BRD4: variants seen among roughly 807,000 people sequenced by gnomAD.
BRD4 encodes the protein bromodomain-containing protein 4.
A neutral mutation model predicts 142.1 loss-of-function variants in BRD4; 16 were observed. That is an observed-to-expected ratio of 0.11 (90% CI 0.08 to 0.17). The LOEUF is 0.17. BRD4 is among the 10% of genes least tolerant of loss of function. BRD4 has a pLI of 1.00. For missense variants in BRD4, 1,424 were observed against 1,810.9 expected (o/e 0.79, Z 3.88); for synonymous variants, 833 against 707.5 (o/e 1.18, Z -2.82).
chr19:15,241,261 G>A (rs2047235621), intron 14 of BRD4, among the ~76,000 whole-genome samples: 1 of 152,212 alleles, frequency 6.6e-6, no homozygotes, highest in Admixed American at 6.5e-5. Flanking sequence ...GGATCCACAG[G>A]CACATGACTG....
At chr19:15,269,163 CCACA>C in intron 2 of BRD4, 121 bp from the exon 3 acceptor site, 1 of 1,089,976 alleles carries the variant, frequency 9.2e-7, no homozygotes, top group Non-Finnish European at 1.3e-6. Flanking sequence ...TCCACGGGAG[CCACA>C]GCTCCTACTG....
Position 15,238,095 on chromosome 19 carries a change from T to G in BRD4, c.*282A>C. The G allele has an allele frequency of 2.1e-6, 1 of 473,958 alleles. No homozygotes were observed. Among genetic ancestry groups the G allele is most frequent in the Non-Finnish European group, 3.8e-6 (1 of 261,872 alleles). The allele number at this position is 473,958 out of a possible 1,614,324, so 29.4% of individuals were successfully genotyped here. A position where few individuals can be genotyped will look rare whatever the true frequency, so the allele number is the denominator to read the frequency against. On this transcript the variant is annotated 3_prime_UTR_variant, in exon 20 of 20. Coordinates refer to ENST00000679869, the MANE Select transcript of BRD4 (RefSeq NM_001379291.1). The surrounding 1 kb of genome is among the most constrained non-coding windows in gnomAD (Gnocchi z 7.2). ...AGGGCCTCTGCCCCGCATGTGGGGA[T>G]GCAGGGCTTGGGTCCAGCCGGCACT... is the stretch of plus-strand genomic sequence containing the variant.
At chr19:15,242,404 A>G (rs780218465) in intron 14 of BRD4, among the ~76,000 whole-genome samples, 138 of 152,290 alleles carry the variant, frequency 9.1e-4, no homozygotes, top group Admixed American at 1.4e-3. Flanking sequence ...ACTGGGCTGG[A>G]GGCTGGTAAC....
intron 7 of BRD4, among the ~76,000 whole-genome samples, chr19:15,262,353 G>T (rs1219994594): frequency 6.6e-6 from 1 of 152,068 alleles, no homozygotes; most frequent in Non-Finnish European, 1.5e-5. Flanking sequence ...GCAACCCATG[G>T]CCTTGGGGAG....
In BRD4 at chr19:15,300,738, CTA is replaced by C. The variant is rs1481914720; in HGVS notation, c.-34-27607_-34-27606del. ...CAGCCACACTGATACCACTGCAAGA[CTA>C]TGTGAATCCACTGCTTCCCACCCCT... On this transcript the variant is annotated intron_variant, in intron 1 of 19. Transcript: ENST00000679869. Among the ~76,000 whole-genome samples the C allele has an allele frequency of 5.3e-5, 8 of 152,162 alleles. No homozygotes were observed. The East Asian group carries it at 1.2e-3, about 22-fold the overall frequency.
intron 1 of BRD4, among the ~76,000 whole-genome samples, chr19:15,308,371 G>A (rs987912451): frequency 1.3e-5 from 2 of 151,330 alleles, no homozygotes; most frequent in African/African-American, 4.9e-5. Context: ...GGTGAATTAC[G>A]ATGTCAGGAG....
chr19:15,263,472 T>G lies in BRD4; in HGVS notation c.1289A>C (p.Tyr430Ser). 1 of 1,614,194 alleles carries G rather than the reference T, an allele frequency of 6.2e-7. No homozygotes were observed. The highest frequency in any genetic ancestry group is 1.1e-5 in the South Asian group (1 of 91,080). The stretch of plus-strand genomic sequence containing the variant: ...CTCATGGTCAGGAGGGTTGTACTTA[T>G]AGCAGTTGGAGAACATCAATCGGAC... ...ADVRLMFSNC[Y>S]KYNPPDHEVV... The change falls in exon 7 of 20, where the codon TAT becomes TCT. Residue 430 changes from tyrosine to serine, a missense_variant. Physicochemically the swap from Tyr to Ser is moderately radical, Grantham distance 144. Around this residue, in one of 16 missense-constraint regions of BRD4, gnomAD observed 22 missense variants for 49.5 expected, o/e 0.44. Coordinates refer to ENST00000679869, the MANE Select transcript of BRD4 (RefSeq NM_001379291.1).
chr19:15,257,086 T>C lies in BRD4; in HGVS notation c.1429A>G (p.Thr477Ala), dbSNP rs778722486. 3 of 1,607,312 alleles carry C rather than the reference T, an allele frequency of 1.9e-6. No homozygotes were observed. Among genetic ancestry groups the C allele is most frequent in the Admixed American group, 1.7e-5 (1 of 59,462 alleles). The change falls in exon 8 of 20, where the codon ACC becomes GCC. Residue 477 changes from threonine (T) to alanine (A), a missense_variant. Physicochemically the swap from Thr to Ala is moderately conservative, Grantham distance 58 (BLOSUM62 0). Coordinates refer to ENST00000679869, the MANE Select transcript of BRD4 (RefSeq NM_001379291.1). ...GATGAGGGCGGGGCCACAACCTTGG[T>C]GGGAGGGGGCACTGCCGGGGAGGAC... is the stretch of plus-strand genomic sequence containing the variant. ...AVSSPAVPPP[T>A]KVVAPPSSSD...
chr19:15,240,367 G>A (rs1568376538), intron 14 of BRD4, among the ~76,000 whole-genome samples: 1 of 152,224 alleles, frequency 6.6e-6, no homozygotes, highest in African/African-American at 2.4e-5. Context: ...GGAAAACACA[G>A]ATCCTGACAC....
intron 1 of BRD4, among the ~76,000 whole-genome samples, chr19:15,313,980 G>T (rs1035372705): frequency 6.6e-6 from 1 of 152,130 alleles, no homozygotes; most frequent in African/African-American, 2.4e-5. Context: ...CCAAATTTAA[G>T]AATCTCTGCC....
chr19:15,267,365 G>T, intron 4 of BRD4, 51 bp downstream of exon 4: 1 of 1,594,074 alleles, frequency 6.3e-7, no homozygotes, highest in Non-Finnish European at 8.6e-7. Flanking sequence ...ACTTGGAAAA[G>T]GGACAAAGGT....
chr19:15,302,405 G>GT, intron 1 of BRD4, among the ~76,000 whole-genome samples: 1 of 152,234 alleles, frequency 6.6e-6, no homozygotes, highest in East Asian at 1.9e-4. Context: ...TCAGCCTTGT[G>GT]TTTCCTGTCT....
In BRD4 at chr19:15,307,831, T is replaced by C. The variant is rs2047927394; in HGVS notation, c.-35+24459A>G. Among the ~76,000 whole-genome samples, 4 of 152,092 alleles carry C rather than the reference T, an allele frequency of 2.6e-5. No homozygotes were observed. The South Asian group carries it at 8.3e-4, about 32-fold the overall frequency. ...CTAAGAAGGGGTGAACCAGCCCAGGTCGGCCAGATGTGGTGGCTCACACTT... is the reference window on the plus strand; with the variant it reads ...CTAAGAAGGGGTGAACCAGCCCAGGCCGGCCAGATGTGGTGGCTCACACTT... On this transcript the variant is annotated intron_variant, in intron 1 of 19. Coordinates refer to ENST00000679869, the MANE Select transcript of BRD4 (RefSeq NM_001379291.1).
intron 2 of BRD4, among the ~76,000 whole-genome samples, chr19:15,271,798 C>T (rs538308401): frequency 1.3e-5 from 2 of 151,908 alleles, no homozygotes; most frequent in South Asian, 2.1e-4. Flanking sequence ...GATTATCTTC[C>T]CCCGAGTGCT....
chr19:15,308,691 G>A (rs1273483442), intron 1 of BRD4, among the ~76,000 whole-genome samples: 3 of 151,382 alleles, frequency 2.0e-5, no homozygotes, highest in Admixed American at 2.0e-4. Flanking sequence ...TTAAAAAGGG[G>A]GCAAAAAACA....
intron 1 of BRD4, among the ~76,000 whole-genome samples, chr19:15,323,600 G>A (rs1053021880): frequency 6.6e-6 from 1 of 152,110 alleles, no homozygotes; most frequent in Non-Finnish European, 1.5e-5. Context: ...GCCTGAGAAG[G>A]AACAACTGCA....
Position 15,239,526 on chromosome 19 carries a change from G to A in BRD4, c.3446-4C>T, listed in dbSNP as rs765989621. 3.7e-6 allele frequency: 6 copies of A among 1,609,876 alleles called. No homozygotes were observed. Among genetic ancestry groups the A allele is most frequent in the African/African-American group, 1.3e-5 (1 of 74,706 alleles). On this transcript the variant is annotated splice_region_variant and splice_polypyrimidine_tract_variant and intron_variant, in intron 16 of 19. Transcript: ENST00000679869. The surrounding 1 kb of genome is among the most constrained non-coding windows in gnomAD (Gnocchi z 7.4). Reference sequence around the variant, plus strand: ...TCCACAGGCTTCATTTCCGGCCCTGGAACATAAACAGCCGGTGGGCCCTGG... The same window carrying A: ...TCCACAGGCTTCATTTCCGGCCCTGAAACATAAACAGCCGGTGGGCCCTGG...
chr19:15,251,346 G>A (rs931798216), intron 11 of BRD4, among the ~76,000 whole-genome samples: 1 of 149,760 alleles, frequency 6.7e-6, no homozygotes, highest in Admixed American at 6.7e-5. Flanking sequence ...CATGTCTCAG[G>A]GCCGTTGTCA....
At position 15,244,215 on chromosome 19, in the gene BRD4, G is replaced by T; in HGVS notation, c.2581+16C>A. On this transcript the variant is annotated intron_variant, in intron 13 of 19. Transcript: ENST00000679869. Reference sequence around the variant, plus strand: ...GGAAGGGGTCTCAACCCACACTGGGGCAGGCCACGGCTCACCTGGAGGAGA... The same window carrying T: ...GGAAGGGGTCTCAACCCACACTGGGTCAGGCCACGGCTCACCTGGAGGAGA... 6.5e-7 allele frequency: 1 copy of T among 1,546,892 alleles called. No homozygotes were observed.
Sources: allele counts gnomAD v4.1 joint callset (sites outside exome capture counted in the v4.1 genomes callset), GRCh38; gene constraint gnomAD v4.1.1; regional missense constraint gnomAD v4.1.1; non-coding constraint Gnocchi (gnomAD v3.1); transcripts MANE v1.5; gene names NCBI Gene and HGNC (gene_info 2026-07-23, HGNC 2026-07-21).